Variants in GRM8 observed in about 807,000 individuals in gnomAD.
GRM8 encodes glutamate metabotropic receptor 8.
GRM8 carries 47 observed loss-of-function variants against 87.2 expected under a neutral mutation model. The observed-to-expected ratio is 0.54, with a 90% CI of 0.43 to 0.69. The LOEUF is 0.69. Among genes scored for constraint, GRM8 ranks in the 30% least tolerant of loss-of-function variants. The pLI, the probability that GRM8 is intolerant of heterozygous loss-of-function variation, is 0.00. For synonymous variants in GRM8, 396 were observed against 404.5 expected, an observed-to-expected ratio of 0.98 and a Z score of 0.25; for missense variants, 1,019 against 1,139.2, an observed-to-expected ratio of 0.89 and a Z score of 1.52.
chr7:127,077,598 C>T (rs950167668), intron 3 of GRM8, among the ~76,000 whole-genome samples: 10 of 152,186 alleles, frequency 6.6e-5, no homozygotes, highest in Non-Finnish European at 5.9e-5. Context: ...CCACACAGGG[C>T]CACTGTGAAT....
At chr7:126,760,724 T>C (rs562175381) in intron 7 of GRM8, among the ~76,000 whole-genome samples, 1 of 152,312 alleles carries the variant, frequency 6.6e-6, no homozygotes, top group Non-Finnish European at 1.5e-5. Context: ...GTATTTCTAA[T>C]GAGACAATTA....
chr7:126,763,643 C>T (rs1817859596), intron 7 of GRM8, among the ~76,000 whole-genome samples: 2 of 151,602 alleles, frequency 1.3e-5, no homozygotes, highest in Non-Finnish European at 3.0e-5. Flanking sequence ...GTATTAGTTT[C>T]ATACTGGATT....
intron 3 of GRM8, among the ~76,000 whole-genome samples, chr7:126,949,345 C>T (rs1195528963): frequency 1.3e-5 from 2 of 152,096 alleles, no homozygotes; most frequent in Admixed American, 1.3e-4. Context: ...TCCACAGCAG[C>T]ATTTCTTAGA....
intron 6 of GRM8, among the ~76,000 whole-genome samples, chr7:126,888,406 CGA>C (rs1223068645): frequency 6.6e-6 from 1 of 152,026 alleles, no homozygotes. Flanking sequence ...TCAGAGAAAC[CGA>C]AATGTTTCTA....
intron 9 of GRM8, among the ~76,000 whole-genome samples, chr7:126,461,109 T>A (rs1584688604): frequency 1.3e-5 from 2 of 151,582 alleles, no homozygotes; most frequent in East Asian, 3.9e-4. Flanking sequence ...CTGGACAACC[T>A]TCTTAGGTCC....
intron 2 of GRM8, among the ~76,000 whole-genome samples, chr7:127,138,568 T>C (rs1475084447): frequency 6.6e-6 from 1 of 152,118 alleles, no homozygotes; most frequent in Admixed American, 6.5e-5. Flanking sequence ...TCTGAATGAC[T>C]TGAGGTTTAA....
intron 7 of GRM8, among the ~76,000 whole-genome samples, chr7:126,660,538 T>C (rs1805044419): frequency 6.6e-6 from 1 of 152,226 alleles, no homozygotes; most frequent in South Asian, 2.1e-4. Context: ...TATATGCCAC[T>C]TCTATTATAT....
At chr7:127,143,826 T>G (rs1828405595) in intron 2 of GRM8, among the ~76,000 whole-genome samples, 1 of 152,160 alleles carries the variant, frequency 6.6e-6, no homozygotes, top group Non-Finnish European at 1.5e-5. Context: ...TAATGGTCAT[T>G]AAAACACTAT....
chr7:126,864,383 C>T (rs533788493), intron 6 of GRM8, among the ~76,000 whole-genome samples: 1 of 152,080 alleles, frequency 6.6e-6, no homozygotes, highest in Non-Finnish European at 1.5e-5. Flanking sequence ...CTATCCTCGA[C>T]AGCTCTATTT....
intron 7 of GRM8, among the ~76,000 whole-genome samples, chr7:126,752,607 T>C (rs1278286131): frequency 6.6e-6 from 1 of 152,082 alleles, no homozygotes; most frequent in East Asian, 1.9e-4. Flanking sequence ...GTTTACTAGA[T>C]GATGTGTCAT....
At chr7:127,067,414 A>G (rs938083432) in intron 3 of GRM8, among the ~76,000 whole-genome samples, 2 of 152,190 alleles carry the variant, frequency 1.3e-5, no homozygotes, top group Non-Finnish European at 2.9e-5. Context: ...AGCACACAGA[A>G]TTCTACCCAA....
chr7:127,032,123 T>A (rs1488590060), intron 3 of GRM8, among the ~76,000 whole-genome samples: 1 of 152,160 alleles, frequency 6.6e-6, no homozygotes, highest in Non-Finnish European at 1.5e-5. Context: ...GGTGAACCTA[T>A]TCTTTTACTA....
intron 2 of GRM8, among the ~76,000 whole-genome samples, chr7:127,184,264 C>T (rs1389969563): frequency 6.6e-6 from 1 of 151,586 alleles, no homozygotes; most frequent in African/African-American, 2.4e-5. Flanking sequence ...AACATATTAG[C>T]AAATCAAATA....
intron 3 of GRM8, among the ~76,000 whole-genome samples, chr7:127,009,463 TTAA>T (rs1814655709): frequency 6.6e-6 from 1 of 152,132 alleles, no homozygotes; most frequent in African/African-American, 2.4e-5. Context: ...TTACAAAGCA[TTAA>T]TGATACAGAA....
intron 9 of GRM8, among the ~76,000 whole-genome samples, chr7:126,514,528 ATTC>A (rs1302110192): frequency 6.6e-6 from 1 of 152,110 alleles, no homozygotes; most frequent in Non-Finnish European, 1.5e-5. Flanking sequence ...TAGCATGTGT[ATTC>A]TTCTCTTTCT....
intron 8 of GRM8, among the ~76,000 whole-genome samples, chr7:126,558,287 T>C (rs1310385765): frequency 6.6e-6 from 1 of 152,178 alleles, no homozygotes; most frequent in Admixed American, 6.5e-5. Flanking sequence ...TCTTTATTAA[T>C]CTTAAAACAT....
chr7:126,442,416 C>A (rs1801571940), intron 10 of GRM8, among the ~76,000 whole-genome samples: 1 of 151,850 alleles, frequency 6.6e-6, no homozygotes, highest in Non-Finnish European at 1.5e-5. Context: ...TCCTTCAGTT[C>A]TGCTTTTGAA....
intron 3 of GRM8, among the ~76,000 whole-genome samples, chr7:126,924,830 A>C (rs951325855): frequency 3.9e-5 from 6 of 152,290 alleles, no homozygotes; most frequent in Non-Finnish European, 8.8e-5. Flanking sequence ...GAAAGAGGTC[A>C]CTGGCCCTTA....
chr7:126,461,942 T>C (rs1803936506), intron 9 of GRM8, among the ~76,000 whole-genome samples: 1 of 151,670 alleles, frequency 6.6e-6, no homozygotes, highest in South Asian at 2.1e-4. Flanking sequence ...GCTTCAGTGA[T>C]GTGAGCATTG....
Sources: allele counts gnomAD v4.1 joint callset (sites outside exome capture counted in the v4.1 genomes callset), GRCh38; gene constraint gnomAD v4.1.1; transcripts MANE v1.5; gene names NCBI Gene and HGNC (gene_info 2026-07-23, HGNC 2026-07-21).